The following NUP205 variants were observed in gnomAD, a reference collection of about 807,000 sequenced individuals.
NUP205 encodes the protein nuclear pore complex protein Nup205.
A neutral mutation model predicts 253.8 loss-of-function variants in NUP205; 76 were observed. The observed-to-expected ratio is 0.30, with a 90% CI of 0.25 to 0.36. NUP205 has a LOEUF of 0.36. Ranked by LOEUF, NUP205 falls within the 10% of genes least tolerant of loss-of-function variation. NUP205 has a pLI of 1.00. For synonymous variants in NUP205, 832 were observed against 850.1 expected, an observed-to-expected ratio of 0.98 and a Z score of 0.37; for missense variants, 2,162 against 2,425.5, an observed-to-expected ratio of 0.89 and a Z score of 2.28.
intron 42 of NUP205, 104 bp from the exon 43 acceptor site, chr7:135,648,300 A>G: frequency 1.5e-5 from 14 of 937,712 alleles, no homozygotes; most frequent in Non-Finnish European, 2.0e-5. Context: ...ACATTGAAAG[A>G]ACCACATTAC....
chr7:135,569,930 T>C (rs542004642), intron 1 of NUP205, among the ~76,000 whole-genome samples: 8 of 151,956 alleles, frequency 5.3e-5, no homozygotes, highest in African/African-American at 1.9e-4. Flanking sequence ...CTTACCTTTA[T>C]TGAGTGCCTA....
At chr7:135,585,280 A>T (rs1315351733) in intron 8 of NUP205, among the ~76,000 whole-genome samples, 6 of 152,112 alleles carry the variant, frequency 3.9e-5, no homozygotes, top group Admixed American at 2.6e-4. Context: ...TGTCTTGGTA[A>T]ATGTTCTATG....
intron 31 of NUP205, among the ~76,000 whole-genome samples, chr7:135,623,851 C>T (rs763018723): frequency 5.9e-5 from 9 of 152,306 alleles, no homozygotes; most frequent in East Asian, 1.9e-4. Flanking sequence ...GGCGCAATCT[C>T]GGCTCACTGC....
intron 3 of NUP205, among the ~76,000 whole-genome samples, chr7:135,574,881 A>G (rs1806109647): frequency 6.6e-6 from 1 of 152,246 alleles, no homozygotes; most frequent in South Asian, 2.1e-4. Context: ...CAAAAGTTTA[A>G]TATGTCTAAA....
rs775955463 is a variant in NUP205 at position 135,604,458 on chromosome 7, C to T, written c.2821C>T (p.Gln941Ter). 1 of 1,599,726 alleles carries T rather than the reference C, an allele frequency of 6.3e-7. No individual in the cohort carries two copies. The highest frequency in any genetic ancestry group is 1.8e-5 in the Admixed American group (1 of 55,734). Residue 941 changes from glutamine to a stop codon, truncating the protein, a stop_gained and splice_region_variant, in exon 19 of 43, where the codon CAG (glutamine) becomes TAG (stop). Transcript: ENST00000285968. LOFTEE classifies it high-confidence loss of function. ...IKLVGDFTHD[Q>*]SISQKLMAGF... ...GTTGGTTGGAGATTTCACACATGAC[C>T]AGGTAACTGATTTTGTTGCTCTTGT...
At chr7:135,598,488 G>A (rs114497174) in intron 15 of NUP205, among the ~76,000 whole-genome samples, 1 of 152,170 alleles carries the variant, frequency 6.6e-6, no homozygotes, top group East Asian at 1.9e-4. Context: ...GGAACAAAAA[G>A]TGTCACATTT....
intron 1 of NUP205, among the ~76,000 whole-genome samples, chr7:135,566,449 A>G (rs1244818166): frequency 2.0e-5 from 3 of 152,164 alleles, no homozygotes; most frequent in Non-Finnish European, 4.4e-5. Context: ...TTGCCTTGTC[A>G]ACACATCCTT....
chr7:135,590,593 C>T (rs1028541043), intron 10 of NUP205, among the ~76,000 whole-genome samples: 5 of 149,648 alleles, frequency 3.3e-5, no homozygotes, highest in African/African-American at 7.4e-5. Flanking sequence ...AGTGCAGTGG[C>T]GCAATCTTGG....
At chr7:135,642,170 G>A (rs6968861) in intron 38 of NUP205, among the ~76,000 whole-genome samples, 47,747 of 151,476 alleles carry the variant, frequency 0.32, 7,909 homozygotes, top group Middle Eastern at 0.49. Flanking sequence ...CAGGAGAATC[G>A]CTTGAAACCA....
chr7:135,636,516 T>A (rs1378298725), intron 36 of NUP205, among the ~76,000 whole-genome samples: 1 of 152,176 alleles, frequency 6.6e-6, no homozygotes, highest in African/African-American at 2.4e-5. Flanking sequence ...TTGGGTTTTT[T>A]AAGTCATCTT....
At chr7:135,601,269 A>C in intron 16 of NUP205, 101 bp from the exon 17 acceptor site, 1 of 1,078,664 alleles carries the variant, frequency 9.3e-7, no homozygotes. Flanking sequence ...TTATCTATCT[A>C]GATGCCATCT....
At chr7:135,625,392 G>C (rs780487769) in intron 32 of NUP205, 37 bp downstream of exon 32, 2 of 1,491,916 alleles carry the variant, frequency 1.3e-6, no homozygotes, top group South Asian at 2.6e-5. Context: ...AGATCAAGAA[G>C]TCGTTTTCTC....
At position 135,616,671 on chromosome 7, in the gene NUP205, A is replaced by G. The variant is rs758269904; in HGVS notation, c.3477A>G (p.Ile1159Met). ...VKPYSDGEGG[I>M]EDENRSVSGF... The stretch of plus-strand genomic sequence containing the variant: ...TTCCAACAGATGGTGAAGGAGGAAT[A>G]GAAGATGAAAACAGGTCTGTTTCTG... Residue 1159 changes from isoleucine (I) to methionine (M), a missense_variant, in exon 25 of 43, where the codon ATA (isoleucine) becomes ATG (methionine). Transcript: ENST00000285968. 1.3e-6 allele frequency: 2 copies of G among 1,566,954 alleles called. No homozygotes were observed.
At chr7:135,567,638 G>A (rs953298173) in intron 1 of NUP205, among the ~76,000 whole-genome samples, 2 of 151,592 alleles carry the variant, frequency 1.3e-5, no homozygotes, top group Admixed American at 6.6e-5. Context: ...AAATTACATT[G>A]CGTCATCTGA....
chr7:135,619,864 G>T lies in NUP205; in HGVS notation c.4306G>T (p.Asp1436Tyr). 1 of 1,612,234 alleles carries T rather than the reference G, an allele frequency of 6.2e-7. No individual in the cohort carries two copies. The highest frequency in any genetic ancestry group is 8.5e-7 in the Non-Finnish European group (1 of 1,178,548). The change falls in exon 30 of 43, where the codon GAT becomes TAT. Residue 1436 changes from aspartate to tyrosine, a missense_variant. Around this residue, in one of 5 missense-constraint regions of NUP205, gnomAD observed 1,144 missense variants for 1,280.9 expected, o/e 0.89. Coordinates refer to ENST00000285968, the MANE Select transcript of NUP205 (RefSeq NM_015135.3). ...TTACTTACAGATTGCCCAGAGACCT[G>T]ATGAACCAGACACCTTAGAAGCAGG... Reference protein sequence around the residue: ...LYYLQIAQRPDEPDTLEAAKK... With the variant: ...LYYLQIAQRPYEPDTLEAAKK...
intron 35 of NUP205, among the ~76,000 whole-genome samples, chr7:135,631,201 AT>A (rs998913111): frequency 6.6e-6 from 1 of 151,284 alleles, no homozygotes; most frequent in African/African-American, 2.5e-5. Context: ...GAATTTATTT[AT>A]TTTTTTATTA....
chr7:135,567,425 CAAA>C (rs760535798), intron 1 of NUP205, among the ~76,000 whole-genome samples: 2 of 65,022 alleles, frequency 3.1e-5, no homozygotes, highest in African/African-American at 6.3e-5. Flanking sequence ...CTGTCTATAC[CAAA>C]AAAAAAAAAA....
chr7:135,613,535 C>CT (rs554681540), intron 22 of NUP205, among the ~76,000 whole-genome samples: 1,557 of 138,840 alleles, frequency 0.011, 30 homozygotes, highest in African/African-American at 0.039. Context: ...TTTTTCTTTT[C>CT]TTTTTTTTTC....
chr7:135,603,841 C>T (rs954925459), intron 18 of NUP205, among the ~76,000 whole-genome samples: 10 of 152,108 alleles, frequency 6.6e-5, no homozygotes, highest in Admixed American at 2.0e-4. Context: ...ACAATATTGT[C>T]TGTCTCCTGT....
Sources: gnomAD v4.1 joint callset for allele counts (sites outside exome capture counted in the v4.1 genomes callset) on GRCh38, gnomAD v4.1.1 for gene constraint, gnomAD v4.1.1 regional missense constraint, MANE v1.5 for transcripts, NCBI Gene and HGNC (gene_info 2026-07-23, HGNC 2026-07-21) for gene names.